Variants in RNF146 observed in about 807,000 individuals in gnomAD.
RNF146 encodes the protein ring finger protein 146, also known as E3 ubiquitin-protein ligase RNF146.
Under a neutral mutation model 29.7 loss-of-function variants are expected in RNF146, and 11 were observed. That is an observed-to-expected ratio of 0.37 (90% confidence interval 0.23 to 0.61). RNF146 has a LOEUF of 0.61. RNF146 is among the 20% of genes least tolerant of loss of function. RNF146 has a pLI of 0.66. For missense variants in RNF146, 342 were observed against 438.9 expected, an observed-to-expected ratio of 0.78 and a Z score of 1.97; for synonymous variants, 150 against 159.7, an observed-to-expected ratio of 0.94 and a Z score of 0.46.
chr6:127,267,334 T>G (rs1184910511), intron 1 of RNF146, among the ~76,000 whole-genome samples: 4 of 152,178 alleles, frequency 2.6e-5, no homozygotes, highest in Admixed American at 6.5e-5. Context: ...CTCTTCCGCC[T>G]GAGCCCGCTT....
intron 2 of RNF146, among the ~76,000 whole-genome samples, chr6:127,281,642 T>C (rs893283471): frequency 1.3e-5 from 2 of 151,674 alleles, no homozygotes; most frequent in African/African-American, 4.8e-5. Flanking sequence ...AACAGTAATA[T>C]GTGGGAAGGC....
intron 2 of RNF146, chr6:127,285,299 A>C: frequency 1.0e-6 from 1 of 985,098 alleles, no homozygotes; most frequent in Non-Finnish European, 1.2e-6. Context: ...TGAAGATTGA[A>C]TGTGCTGTGA....
chr6:127,287,273 G>T lies in RNF146; in HGVS notation c.660G>T (p.Arg220Ser). The T allele has an allele frequency of 3.7e-6, 6 of 1,613,318 alleles. No homozygotes were observed. Among genetic ancestry groups the T allele is most frequent in the Non-Finnish European group, 5.1e-6 (6 of 1,179,624 alleles). ...ASVQPLVSSV[R>S]PLTSVDGQLT... Reference sequence around the variant, plus strand: ...TTCAGCCCCTAGTGTCTTCTGTAAGGCCCCTAACATCAGTAGATGGTCAGT... The same window carrying T: ...TTCAGCCCCTAGTGTCTTCTGTAAGTCCCCTAACATCAGTAGATGGTCAGT... Residue 220 changes from arginine (R) to serine (S), a missense_variant, in exon 3 of 3, where the codon AGG (arginine) becomes AGT (serine). By Grantham distance (110) the Arg-to-Ser change is moderately radical. Around this residue, in one of 6 missense-constraint regions of RNF146, gnomAD observed 196 missense variants for 208.9 expected, o/e 0.94. Transcript: ENST00000368314.
chr6:127,268,579 ATGT>A (rs1333192532), intron 1 of RNF146, among the ~76,000 whole-genome samples: 2 of 152,148 alleles, frequency 1.3e-5, no homozygotes, highest in Non-Finnish European at 2.9e-5. Flanking sequence ...AAAGTGGAGG[ATGT>A]TGTTCAGCCC....
At chr6:127,269,064 T>G (rs924442711) in intron 1 of RNF146, among the ~76,000 whole-genome samples, 12 of 152,326 alleles carry the variant, frequency 7.9e-5, no homozygotes, top group African/African-American at 2.9e-4. Flanking sequence ...GCCTTTTCCA[T>G]TCTCTTGGTT....
intron 1 of RNF146, among the ~76,000 whole-genome samples, chr6:127,267,280 C>G (rs1033289361): frequency 6.6e-5 from 10 of 152,212 alleles, no homozygotes; most frequent in African/African-American, 2.4e-4. Flanking sequence ...GAGCTGGTCT[C>G]GGTCCGGGTG....
chr6:127,277,498 A>T (rs1257548492), intron 1 of RNF146, among the ~76,000 whole-genome samples: 1 of 152,050 alleles, frequency 6.6e-6, no homozygotes, highest in African/African-American at 2.4e-5. Context: ...TAGAATATAT[A>T]TATGAGTTTA....
chr6:127,273,621 T>C (rs534858705), intron 1 of RNF146, among the ~76,000 whole-genome samples: 1 of 152,290 alleles, frequency 6.6e-6, no homozygotes, highest in African/African-American at 2.4e-5. Flanking sequence ...CTTGTTCATT[T>C]CCAACCTGTG....
chr6:127,271,496 C>T (rs1387210247), intron 1 of RNF146, among the ~76,000 whole-genome samples: 2 of 152,082 alleles, frequency 1.3e-5, no homozygotes, highest in Admixed American at 6.6e-5. Flanking sequence ...AATTCATTGT[C>T]TCTATTAAAC....
chr6:127,267,293 A>G (rs1776765388), intron 1 of RNF146, among the ~76,000 whole-genome samples: 1 of 152,014 alleles, frequency 6.6e-6, no homozygotes, highest in Non-Finnish European at 1.5e-5. Flanking sequence ...TCCGGGTGCG[A>G]GGGGCGGAGC....
At chr6:127,271,772 TAAATA>T (rs1045495383) in intron 1 of RNF146, among the ~76,000 whole-genome samples, 3 of 152,208 alleles carry the variant, frequency 2.0e-5, no homozygotes, top group Non-Finnish European at 2.9e-5. Flanking sequence ...AACGTTGGAT[TAAATA>T]AAATATATTA....
intron 1 of RNF146, among the ~76,000 whole-genome samples, chr6:127,277,474 G>A (rs6569478): frequency 0.73 from 110,853 of 151,764 alleles, 40,651 homozygotes; most frequent in East Asian, 0.78. Context: ...TGTTCTCTAG[G>A]GGGACAGAAC....
chr6:127,267,863 ATTG>A lies in RNF146; in HGVS notation c.-109+943_-109+945del. On this transcript the variant is annotated intron_variant, in intron 1 of 2. Transcript: ENST00000368314. ...CCGTCTGAAGGAGTGTGGGTCTTCCATTGTTGTCGCTATTTATTTTGCTAAGGC... is the reference window on the plus strand; with the variant it reads ...CCGTCTGAAGGAGTGTGGGTCTTCCATTGTCGCTATTTATTTTGCTAAGGC... Among the ~76,000 whole-genome samples the A allele has an allele frequency of 1.3e-5, 2 of 152,126 alleles. 1 individual carries two copies. The highest frequency in any genetic ancestry group is 1.3e-4 in the Admixed American group (2 of 15,294).
intron 1 of RNF146, among the ~76,000 whole-genome samples, chr6:127,274,443 G>A (rs1438895229): frequency 1.4e-5 from 2 of 142,254 alleles, no homozygotes; most frequent in Non-Finnish European, 1.6e-5. Context: ...TGAATAGAGA[G>A]GAATAAATTA....
At chr6:127,274,767 T>C (rs1777963931) in intron 1 of RNF146, among the ~76,000 whole-genome samples, 1 of 152,044 alleles carries the variant, frequency 6.6e-6, no homozygotes, top group Admixed American at 6.6e-5. Flanking sequence ...ACCAAAAAAC[T>C]TCAAGTTAGA....
intron 2 of RNF146, among the ~76,000 whole-genome samples, chr6:127,282,623 C>T (rs979636426): frequency 2.0e-5 from 3 of 151,734 alleles, no homozygotes; most frequent in Admixed American, 6.6e-5. Context: ...TGGAAACTTA[C>T]ATCAGCAACC....
chr6:127,284,709 T>C (rs534347025), intron 2 of RNF146, among the ~76,000 whole-genome samples: 1 of 152,040 alleles, frequency 6.6e-6, no homozygotes, highest in South Asian at 2.1e-4. Flanking sequence ...TGAAGGCAAG[T>C]GTTTATCTCA....
In RNF146 at chr6:127,287,410, GAGAAGA is replaced by G. The variant is rs760706934; in HGVS notation, c.801_806del (p.Glu267_Glu268del). On this transcript the variant is annotated inframe_deletion, in exon 3 of 3. Coordinates refer to ENST00000368314, the MANE Select transcript of RNF146 (RefSeq NM_001242850.2). The stretch of plus-strand genomic sequence containing the variant: ...GCTGAAAGGAGTCATAGGGGAGAAG[GAGAAGA>G]AGATCATGAATCACCATCTTCAGGC... 4 of 1,613,460 alleles carry G rather than the reference GAGAAGA, an allele frequency of 2.5e-6. No homozygotes were observed. Among genetic ancestry groups the G allele is most frequent in the Non-Finnish European group, 3.4e-6 (4 of 1,179,630 alleles).
At position 127,287,437 on chromosome 6, in the gene RNF146, C is replaced by T; in HGVS notation, c.824C>T (p.Ser275Leu). 1 of 1,613,484 alleles carries T rather than the reference C, an allele frequency of 6.2e-7. No individual in the cohort carries two copies. Reference sequence around the variant, plus strand: ...GAAGAAGATCATGAATCACCATCTTCAGGCAGGGTACCAGCACCAGACACC... The same window carrying T: ...GAAGAAGATCATGAATCACCATCTTTAGGCAGGGTACCAGCACCAGACACC... ...EGEEDHESPS[S>L]GRVPAPDTSI... The change falls in exon 3 of 3, where the codon TCA (serine) becomes TTA (leucine). Residue 275 changes from serine to leucine, a missense_variant. Transcript: ENST00000368314.
Sources: gnomAD v4.1 joint callset for allele counts (sites outside exome capture counted in the v4.1 genomes callset) on GRCh38, gnomAD v4.1.1 for gene constraint, gnomAD v4.1.1 regional missense constraint, MANE v1.5 for transcripts, NCBI Gene and HGNC (gene_info 2026-07-23, HGNC 2026-07-21) for gene names.